Variants in KCNU1 observed in about 807,000 individuals in gnomAD.
The protein encoded by KCNU1 is potassium channel subfamily U member 1.
Under a neutral mutation model 126.8 loss-of-function variants are expected in KCNU1, and 93 were observed. The ratio of observed to expected loss-of-function variants is 0.73; its 90% CI spans 0.62 to 0.87. The LOEUF (loss-of-function observed/expected upper bound fraction) is 0.87. Among genes scored for constraint, KCNU1 ranks in the 40% least tolerant of loss-of-function variants. The pLI is 0.00. For synonymous variants in KCNU1, 523 were observed against 494.2 expected (o/e 1.06, Z -0.77); for missense variants, 1,330 against 1,367.1 (o/e 0.97, Z 0.43).
intron 2 of KCNU1, among the ~76,000 whole-genome samples, chr8:36,800,076 G>C (rs1057410857): frequency 6.6e-6 from 1 of 152,008 alleles, no homozygotes; most frequent in Admixed American, 6.6e-5. Context: ...AATCTCACTA[G>C]AAACTCTAAT....
chr8:36,819,908 A>G (rs2130485968), intron 10 of KCNU1, among the ~76,000 whole-genome samples: 1 of 152,236 alleles, frequency 6.6e-6, no homozygotes, highest in South Asian at 2.1e-4. Flanking sequence ...TTAATTTGAT[A>G]AATAGAACAC....
chr8:36,850,582 A>G (rs1563294443), intron 18 of KCNU1, among the ~76,000 whole-genome samples: 2 of 151,908 alleles, frequency 1.3e-5, no homozygotes, highest in Non-Finnish European at 2.9e-5. Flanking sequence ...TCAGCCTCCA[A>G]AGTAACTGGG....
chr8:36,825,163 A>G (rs1263316753), intron 10 of KCNU1, among the ~76,000 whole-genome samples: 1 of 152,142 alleles, frequency 6.6e-6, no homozygotes, highest in Admixed American at 6.5e-5. Context: ...AATCGTAGCC[A>G]TTCTTGTGGG....
At chr8:36,803,993 G>C in intron 2 of KCNU1, 34 bp from the exon 3 acceptor site, 1 of 1,411,982 alleles carries the variant, frequency 7.1e-7, no homozygotes. Flanking sequence ...AAATGAAGTG[G>C]ATTTAGACAT....
intron 24 of KCNU1, chr8:36,928,792 C>G (rs1808608184): frequency 2.0e-6 from 1 of 503,348 alleles, no homozygotes; most frequent in Non-Finnish European, 3.5e-6. Context: ...TCTGAAGGAG[C>G]ACATCATCTT....
In KCNU1 at chr8:36,918,917, G is replaced by A. The variant is rs760184367; in HGVS notation, c.2596+20G>A. 1 of 1,509,926 alleles carries A rather than the reference G, an allele frequency of 6.6e-7. No individual in the cohort carries two copies. Among genetic ancestry groups the A allele is most frequent in the Non-Finnish European group, 9.2e-7 (1 of 1,089,248 alleles). 93.5% of individuals were successfully genotyped at this position (1,509,926 alleles called of 1,614,324 possible). A position where few individuals can be genotyped will look rare whatever the true frequency, so the allele number is the denominator to read the frequency against. Reference sequence around the variant, plus strand: ...AACTGAGTAAGTGGTGTTTCGAGGGGAAAATTCAATGGAGAAATTTTTGTG... The same window carrying A: ...AACTGAGTAAGTGGTGTTTCGAGGGAAAAATTCAATGGAGAAATTTTTGTG... On this transcript the variant is annotated intron_variant, in intron 23 of 26. Coordinates refer to ENST00000399881, the MANE Select transcript of KCNU1 (RefSeq NM_001031836.3).
At chr8:36,821,243 C>T (rs1208000423) in intron 10 of KCNU1, among the ~76,000 whole-genome samples, 1 of 152,104 alleles carries the variant, frequency 6.6e-6, no homozygotes, top group African/African-American at 2.4e-5. Flanking sequence ...TAGATTAACT[C>T]GTGAGCACAG....
intron 21 of KCNU1, among the ~76,000 whole-genome samples, chr8:36,910,360 C>T (rs1807819122): frequency 6.6e-6 from 1 of 152,076 alleles, no homozygotes; most frequent in South Asian, 2.1e-4. Flanking sequence ...TGCTTAAGTC[C>T]ATTGAAAGGA....
intron 23 of KCNU1, among the ~76,000 whole-genome samples, chr8:36,920,885 A>C (rs1253643991): frequency 6.6e-6 from 1 of 152,248 alleles, no homozygotes; most frequent in East Asian, 1.9e-4. Context: ...ATATCACTTC[A>C]TTCATTAATG....
At chr8:36,909,748 C>T (rs527924740) in intron 21 of KCNU1, among the ~76,000 whole-genome samples, 2 of 152,256 alleles carry the variant, frequency 1.3e-5, no homozygotes, top group African/African-American at 2.4e-5. Flanking sequence ...GAGTAAGTAA[C>T]TTGACCAAGA....
In KCNU1 at chr8:36,918,824, G is replaced by A. The variant is rs370865358; in HGVS notation, c.2523G>A (p.Glu841=). The part of the protein sequence containing the change: ...SSSDPSPSVS[E]ETPGYTNGHN... The stretch of plus-strand genomic sequence containing the variant: ...TATCACCTCTTTTCTTCTTTGCAGA[G>A]GAGACTCCAGGTTACACAAATGGAC... Residue 841 remains glutamate, a splice_region_variant and synonymous_variant, in exon 23 of 27, where the codon GAG becomes GAA. Coordinates refer to ENST00000399881, the MANE Select transcript of KCNU1 (RefSeq NM_001031836.3). 2.5e-6 allele frequency: 4 copies of A among 1,594,140 alleles called. No homozygotes were observed. The African/African-American group carries it at 5.4e-5, about 21-fold the overall frequency.
chr8:36,813,841 A>C (rs1803810504), intron 7 of KCNU1, among the ~76,000 whole-genome samples: 1 of 148,962 alleles, frequency 6.7e-6, no homozygotes, highest in Non-Finnish European at 1.5e-5. Context: ...AAAAGTGAGA[A>C]TATGTCATAA....
intron 12 of KCNU1, 52 bp from the exon 13 acceptor site, chr8:36,836,244 A>C: frequency 8.9e-7 from 1 of 1,125,110 alleles, no homozygotes; most frequent in South Asian, 1.3e-5. Flanking sequence ...TTATATTACA[A>C]AGCCCTTTGG....
intron 24 of KCNU1, among the ~76,000 whole-genome samples, chr8:36,923,233 G>A (rs545700140): frequency 4.5e-4 from 68 of 152,266 alleles, no homozygotes; most frequent in Non-Finnish European, 5.9e-4. Flanking sequence ...CACCTACTCT[G>A]CACAGGGCAC....
intron 2 of KCNU1, among the ~76,000 whole-genome samples, chr8:36,792,061 A>T (rs1802922332): frequency 6.6e-6 from 1 of 152,168 alleles, no homozygotes; most frequent in Non-Finnish European, 1.5e-5. Flanking sequence ...TACCTTGTTT[A>T]TGTTTTTTTC....
chr8:36,929,362 C>T (rs1307659160), intron 24 of KCNU1, among the ~76,000 whole-genome samples: 8 of 113,022 alleles, frequency 7.1e-5, no homozygotes, highest in African/African-American at 2.8e-4. Flanking sequence ...CTAGCCTAGA[C>T]AACAAACAGA....
rs189513199 is a variant in KCNU1, at chr8:36,838,537, A to T, written c.1518+1592A>T. On this transcript the variant is annotated intron_variant, in intron 14 of 26. Coordinates refer to ENST00000399881, the MANE Select transcript of KCNU1 (RefSeq NM_001031836.3). Reference sequence around the variant, plus strand: ...GAAACCCTGTCTCTAGTAAAAATATATATAAAAAAATTAGCCAGGCATGGT... The same window carrying T: ...GAAACCCTGTCTCTAGTAAAAATATTTATAAAAAAATTAGCCAGGCATGGT... Among the ~76,000 whole-genome samples the T allele has an allele frequency of 2.6e-3, 400 of 152,178 alleles. 1 individual carries two copies. The highest frequency in any genetic ancestry group is 0.01 in the Middle Eastern group (3 of 294).
At chr8:36,914,655 G>A (rs2117550620) in intron 22 of KCNU1, among the ~76,000 whole-genome samples, 1 of 152,290 alleles carries the variant, frequency 6.6e-6, no homozygotes, top group South Asian at 2.1e-4. Context: ...AGAATGCCAG[G>A]CCTCCTGGAC....
intron 19 of KCNU1, among the ~76,000 whole-genome samples, chr8:36,896,531 A>G (rs1807194850): frequency 6.6e-6 from 1 of 152,096 alleles, no homozygotes; most frequent in South Asian, 2.1e-4. Context: ...TTTTCCATGG[A>G]AACAAAAAGT....
Sources: gnomAD v4.1 joint callset for allele counts (sites outside exome capture counted in the v4.1 genomes callset) on GRCh38, gnomAD v4.1.1 for gene constraint, MANE v1.5 for transcripts, NCBI Gene and HGNC (gene_info 2026-07-23, HGNC 2026-07-21) for gene names.